The following SNED1 variants were observed in gnomAD, a reference collection of about 807,000 sequenced individuals.
SNED1 encodes sushi, nidogen and EGF like domains 1, also known as sushi, nidogen and EGF-like domain-containing protein 1.
A neutral mutation model predicts 166.7 loss-of-function variants in SNED1; 81 were observed. The observed-to-expected ratio is 0.49, with a 90% CI of 0.41 to 0.58. The LOEUF is 0.58. Ranked by LOEUF, SNED1 falls within the 20% of genes least tolerant of loss-of-function variation. SNED1 has a pLI of 0.00. For synonymous variants in SNED1, 762 were observed against 822.0 expected (o/e 0.93, Z 1.25); for missense variants, 1,604 against 2,000.2 (o/e 0.80, Z 3.78).
In SNED1 at chr2:241,075,063, T is replaced by C. The variant is rs2062955304; in HGVS notation, c.3916+1699T>C. 6.6e-6 allele frequency: 1 copy of C among 152,242 alleles called. No homozygotes were observed. The highest frequency in any genetic ancestry group is 1.5e-5 in the Non-Finnish European group (1 of 68,036). The allele number at this position is 152,242 out of a possible 1,614,324, so 9.4% of individuals were successfully genotyped here. ...TCACTCCGCATTCTCGGACTGAGGT[T>C]GGCCCATGCGGTCTGGGCGGCTGCG... On this transcript the variant is annotated intron_variant, in intron 27 of 31. Transcript: ENST00000310397. This position sits in a 1 kb window ranked among gnomAD's most constrained non-coding sequence, Gnocchi z 4.8.
At chr2:241,077,248 C>T (rs957020595) in intron 27 of SNED1, among the ~76,000 whole-genome samples, 1 of 152,128 alleles carries the variant, frequency 6.6e-6, no homozygotes, top group Admixed American at 6.6e-5. Context: ...GCCCTCGTAC[C>T]ATATACCTCA....
intron 26 of SNED1, chr2:241,072,825 A>G (rs995271459): frequency 5.0e-6 from 1 of 199,584 alleles, no homozygotes; most frequent in Non-Finnish European, 1.0e-5. Flanking sequence ...CTGCATAAGA[A>G]GTGATGCAGT....
chr2:241,056,063 A>C (rs947854982), intron 16 of SNED1, among the ~76,000 whole-genome samples: 2 of 148,356 alleles, frequency 1.3e-5, no homozygotes, highest in African/African-American at 2.6e-5. Flanking sequence ...GATGACACAT[A>C]ATCTAAAGAA....
At position 241,059,928 on chromosome 2, in the gene SNED1, TAAAAG is replaced by T. The variant is rs1461288977; in HGVS notation, c.2258-2862_2258-2858del. ...AGTGCCAGATGACAAGAAAAGGAAA[TAAAAG>T]GAAGGAAAGGAAGAAAGAATTAGAG... On this transcript the variant is annotated intron_variant, in intron 16 of 31. Transcript: ENST00000310397. 2.6e-5 allele frequency among the ~76,000 whole-genome samples: 4 copies of T among 151,808 alleles called. No homozygotes were observed. The East Asian group carries it at 5.8e-4, about 22-fold the overall frequency.
At chr2:241,057,703 ATAAACT>A (rs770665196) in intron 16 of SNED1, among the ~76,000 whole-genome samples, 4 of 152,232 alleles carry the variant, frequency 2.6e-5, no homozygotes, top group South Asian at 4.1e-4. Flanking sequence ...AAATTAAGAA[ATAAACT>A]TAATACCTAA....
chr2:241,009,470 G>A (rs2060320099), intron 1 of SNED1, among the ~76,000 whole-genome samples: 2 of 152,172 alleles, frequency 1.3e-5, no homozygotes, highest in Admixed American at 1.3e-4. Flanking sequence ...GGCAGGAGCT[G>A]CTGTCAACAC....
Position 241,073,520 on chromosome 2 carries a change from AT to A in SNED1, c.3916+157del. On this transcript the variant is annotated intron_variant, in intron 27 of 31. Transcript: ENST00000310397. The surrounding 1 kb of genome is among the most constrained non-coding windows in gnomAD (Gnocchi z 6.6). ...GCACCAGGCACCCCGGTGTGGGAAGATGGGGTGAAGCTACACCACCCAAGCA... is the reference window on the plus strand; with the variant it reads ...GCACCAGGCACCCCGGTGTGGGAAGAGGGGTGAAGCTACACCACCCAAGCA... The A allele has an allele frequency of 1.5e-6, 1 of 689,518 alleles. No homozygotes were observed. The highest frequency in any genetic ancestry group is 2.6e-6 in the Non-Finnish European group (1 of 379,556). The allele number at this position is 689,518 out of a possible 1,614,324, so 42.7% of individuals were successfully genotyped here. A position where few individuals can be genotyped will look rare whatever the true frequency, so the allele number is the denominator to read the frequency against.
Position 241,094,213 on chromosome 2 carries a change from C to T in SNED1, c.*2577C>T. Reference sequence around the variant, plus strand: ...CCAGGTACAAGTAAGGGAATCTTTGCTGTGCCCACTGTCCTCCAGTAGAGA... The same window carrying T: ...CCAGGTACAAGTAAGGGAATCTTTGTTGTGCCCACTGTCCTCCAGTAGAGA... On this transcript the variant is annotated 3_prime_UTR_variant, in exon 32 of 32. Coordinates refer to ENST00000310397, the MANE Select transcript of SNED1 (RefSeq NM_001080437.3). The surrounding 1 kb of genome is among the most constrained non-coding windows in gnomAD (Gnocchi z 4.3). 1 of 427,472 alleles carries T rather than the reference C, an allele frequency of 2.3e-6. No homozygotes were observed. The highest frequency in any genetic ancestry group is 4.8e-6 in the Non-Finnish European group (1 of 206,702). 26.5% of individuals were successfully genotyped at this position (427,472 alleles called of 1,614,324 possible).
At chr2:241,037,743 C>A (rs138157146) in intron 6 of SNED1, among the ~76,000 whole-genome samples, 4 of 152,182 alleles carry the variant, frequency 2.6e-5, no homozygotes, top group African/African-American at 9.7e-5. Context: ...TTGAGGGGAA[C>A]GTGAAGTGCT....
At chr2:241,012,782 T>C (rs957438952) in intron 1 of SNED1, among the ~76,000 whole-genome samples, 1 of 151,650 alleles carries the variant, frequency 6.6e-6, no homozygotes, top group Non-Finnish European at 1.5e-5. Flanking sequence ...ATTACTCTCT[T>C]AGCAAATTTC....
chr2:241,048,302 G>A lies in SNED1; in HGVS notation c.1274-13G>A, dbSNP rs751457306. On this transcript the variant is annotated splice_polypyrimidine_tract_variant and intron_variant, in intron 8 of 31. Coordinates refer to ENST00000310397, the MANE Select transcript of SNED1 (RefSeq NM_001080437.3). ...CCCTGCGTGGCCGCTGGTGACTGCC[G>A]TCTTTCTTGCAGGAGACCATCCAGT... The A allele has an allele frequency of 5.7e-6, 9 of 1,587,642 alleles. No individual in the cohort carries two copies. The highest frequency in any genetic ancestry group is 4.1e-5 in the African/African-American group (3 of 74,008).
rs754079779 is a variant in SNED1, at chr2:241,064,085, C to T, written c.2559C>T (p.Cys853=). Residue 853 remains cysteine, a synonymous_variant, in exon 19 of 32, where the codon TGC becomes TGT. Transcript: ENST00000310397. This position sits in a 1 kb window ranked among gnomAD's most constrained non-coding sequence, Gnocchi z 7.0. ...RCESGGGAYL[C]VCPESFFGYH... is the part of the protein sequence containing the mutation. ...AGAGCGGCGGCGGGGCCTACCTGTG[C>T]GTCTGCCCAGAGAGCTTCTTCGGCT... 5.1e-6 allele frequency: 8 copies of T among 1,569,602 alleles called. No individual in the cohort carries two copies. The highest frequency in any genetic ancestry group is 4.8e-5 in the East Asian group (2 of 42,010).
At chr2:241,081,152 C>A (rs1323893691) in intron 27 of SNED1, among the ~76,000 whole-genome samples, 1 of 152,220 alleles carries the variant, frequency 6.6e-6, no homozygotes, top group Non-Finnish European at 1.5e-5. Context: ...GGGCAGCAGC[C>A]CTGCAAAGAC....
intron 8 of SNED1, among the ~76,000 whole-genome samples, chr2:241,044,795 T>C (rs956172093): frequency 6.6e-6 from 1 of 152,196 alleles, no homozygotes; most frequent in Non-Finnish European, 1.5e-5. Flanking sequence ...TTCCTGTTGT[T>C]TTTCCCTTTG....
intron 1 of SNED1, among the ~76,000 whole-genome samples, chr2:241,016,289 G>A (rs1229707184): frequency 2.7e-5 from 4 of 150,818 alleles, no homozygotes; most frequent in Non-Finnish European, 4.4e-5. Flanking sequence ...CCACCACCCG[G>A]GGTTCACGCT....
chr2:241,026,009 C>CTTTTTTTTTTTTTTTTTTTTTTT (rs71404676), intron 1 of SNED1, among the ~76,000 whole-genome samples: 2 of 73,574 alleles, frequency 2.7e-5, no homozygotes, highest in Non-Finnish European at 4.8e-5. Flanking sequence ...TTTTCTTTTC[C>CTTTTTTTTTTTTTTTTTTTTTTT]TTTTTTTTTT....
chr2:241,031,767 C>G (rs544598229), intron 2 of SNED1, among the ~76,000 whole-genome samples: 1 of 152,372 alleles, frequency 6.6e-6, no homozygotes, highest in South Asian at 2.1e-4. Context: ...AGTGTTAGCA[C>G]TTACGTTCGC....
At chr2:241,049,423 T>C (rs1036768209) in intron 11 of SNED1, among the ~76,000 whole-genome samples, 6 of 152,248 alleles carry the variant, frequency 3.9e-5, no homozygotes, top group African/African-American at 1.4e-4. Flanking sequence ...ATTTAATGCA[T>C]ACATAATTAG....
In SNED1 at chr2:241,073,176, T is replaced by G; in HGVS notation, c.3818-90T>G. 1.3e-4 allele frequency: 122 copies of G among 915,280 alleles called. No homozygotes were observed. The highest frequency in any genetic ancestry group is 1.9e-4 in the Non-Finnish European group (112 of 591,526). The allele number at this position is 915,280 out of a possible 1,614,324, so 56.7% of individuals were successfully genotyped here. ...CCCCACCAGGGACATCCGTGCTCCC[T>G]GAGATATAGAAGCACTCAAAAGGGT... On this transcript the variant is annotated intron_variant, in intron 26 of 31. Transcript: ENST00000310397. The surrounding 1 kb of genome is among the most constrained non-coding windows in gnomAD (Gnocchi z 6.6).
Sources: gnomAD v4.1 joint callset for allele counts (sites outside exome capture counted in the v4.1 genomes callset) on GRCh38, gnomAD v4.1.1 for gene constraint, Gnocchi (gnomAD v3.1) non-coding constraint, MANE v1.5 for transcripts, NCBI Gene and HGNC (gene_info 2026-07-23, HGNC 2026-07-21) for gene names.